DCDC2C: variants seen among roughly 807,000 people sequenced by gnomAD.
DCDC2C encodes doublecortin domain containing 2C, also known as doublecortin domain-containing protein 2C.
DCDC2C carries 44 observed loss-of-function variants against 45.0 expected under a neutral mutation model. The ratio of observed to expected loss-of-function variants is 0.98; its 90% CI spans 0.77 to 1.26. DCDC2C has a LOEUF of 1.26. Among genes scored for constraint, DCDC2C ranks in the 50% most tolerant of loss-of-function variants. The pLI, the probability that DCDC2C is intolerant of heterozygous loss-of-function variation, is 0.00. For missense variants in DCDC2C, 447 were observed against 468.9 expected (o/e 0.95, Z 0.43); for synonymous variants, 187 against 178.8 (o/e 1.05, Z -0.37).
At chr2:3,769,479 G>T in intron 8 of DCDC2C, 68 bp downstream of exon 8, 1 of 1,393,958 alleles carries the variant, frequency 7.2e-7, no homozygotes. Context: ...CCGCCTCAGC[G>T]TCATCCTTCA....
intron 3 of DCDC2C, among the ~76,000 whole-genome samples, chr2:3,735,145 T>C (rs575007756): frequency 1.3e-5 from 2 of 152,322 alleles, no homozygotes; most frequent in East Asian, 3.9e-4. Flanking sequence ...AACTGAACTT[T>C]GTGTCTAGCC....
At chr2:3,814,017 G>T (rs895984458) in intron 10 of DCDC2C, among the ~76,000 whole-genome samples, 3 of 152,164 alleles carry the variant, frequency 2.0e-5, no homozygotes, top group African/African-American at 7.2e-5. Flanking sequence ...CCACTGGTCT[G>T]TGTACTTCTG....
At chr2:3,786,759 G>A (rs1388740206) in intron 10 of DCDC2C, among the ~76,000 whole-genome samples, 1 of 152,274 alleles carries the variant, frequency 6.6e-6, no homozygotes, top group Non-Finnish European at 1.5e-5. Flanking sequence ...TGTGGCTGGA[G>A]GAGCGCTAAA....
chr2:3,745,499 A>G (rs955006803), intron 4 of DCDC2C, among the ~76,000 whole-genome samples: 2 of 152,232 alleles, frequency 1.3e-5, no homozygotes, highest in Non-Finnish European at 2.9e-5. Context: ...AGAAATGCTT[A>G]GAAAGTACAA....
chr2:3,705,533 T>A (rs751712556), intron 1 of DCDC2C, among the ~76,000 whole-genome samples: 16 of 152,242 alleles, frequency 1.1e-4, no homozygotes, highest in Non-Finnish European at 2.4e-4. Context: ...GATACATATA[T>A]AATGAAAAGT....
chr2:3,845,672 AT>A (rs1448825733), intron 10 of DCDC2C, among the ~76,000 whole-genome samples: 5 of 88,390 alleles, frequency 5.7e-5, no homozygotes, highest in Non-Finnish European at 1.4e-4. Context: ...ATCTACTTTG[AT>A]TTGGCTCCAT....
In DCDC2C at chr2:3,767,907, G is replaced by T. The variant is rs1284178627; in HGVS notation, c.853+27G>T. The T allele has an allele frequency of 2.8e-6, 4 of 1,440,580 alleles. No individual in the cohort carries two copies. In the African/African-American group the frequency reaches 5.9e-5, roughly 21 times the overall value. The allele number at this position is 1,440,580 out of a possible 1,614,324, so 89.2% of individuals were successfully genotyped here. A position where few individuals can be genotyped will look rare whatever the true frequency, so the allele number is the denominator to read the frequency against. Reference sequence around the variant, plus strand: ...TGACGTGCAGTTTCATTCTGCTGTAGGCAGTTCGAAACTTTACCAGGCTGA... The same window carrying T: ...TGACGTGCAGTTTCATTCTGCTGTATGCAGTTCGAAACTTTACCAGGCTGA... On this transcript the variant is annotated intron_variant, in intron 7 of 10. Coordinates refer to ENST00000399143, the MANE Select transcript of DCDC2C (RefSeq NM_001287444.2).
chr2:3,813,245 G>A (rs2148215779), intron 10 of DCDC2C, among the ~76,000 whole-genome samples: 1 of 151,334 alleles, frequency 6.6e-6, no homozygotes, highest in Admixed American at 6.6e-5. Flanking sequence ...CTAATTTTTT[G>A]TATTTTAATA....
At chr2:3,839,876 G>A (rs548226961) in intron 10 of DCDC2C, among the ~76,000 whole-genome samples, 3 of 152,170 alleles carry the variant, frequency 2.0e-5, no homozygotes, top group Non-Finnish European at 4.4e-5. Context: ...AGATATCTAT[G>A]TTAATTATGC....
chr2:3,764,585 C>T (rs1669968679), intron 6 of DCDC2C, among the ~76,000 whole-genome samples: 1 of 152,204 alleles, frequency 6.6e-6, no homozygotes, highest in Non-Finnish European at 1.5e-5. Context: ...TGTGAGACTT[C>T]CCCAGCCATG....
chr2:3,753,980 C>G (rs1469424596), intron 5 of DCDC2C, among the ~76,000 whole-genome samples: 1 of 152,178 alleles, frequency 6.6e-6, no homozygotes, highest in African/African-American at 2.4e-5. Flanking sequence ...TGAGGAGGAA[C>G]ACTGTGGGGC....
chr2:3,841,333 A>C (rs897388419), intron 10 of DCDC2C, among the ~76,000 whole-genome samples: 3 of 150,510 alleles, frequency 2.0e-5, no homozygotes, highest in African/African-American at 7.3e-5. Flanking sequence ...TTAAAAGGCA[A>C]GGTGAACGCA....
chr2:3,789,516 C>T (rs1343705174), intron 10 of DCDC2C, among the ~76,000 whole-genome samples: 1 of 152,202 alleles, frequency 6.6e-6, no homozygotes, highest in Non-Finnish European at 1.5e-5. Flanking sequence ...TCTGTTAATG[C>T]TCTCATCCTT....
chr2:3,787,095 A>G (rs1002079129), intron 10 of DCDC2C, among the ~76,000 whole-genome samples: 6 of 152,188 alleles, frequency 3.9e-5, no homozygotes, highest in African/African-American at 1.4e-4. Flanking sequence ...TCTGCAGCCA[A>G]CCTAAGTGCA....
chr2:3,706,880 G>C (rs1668077109), intron 1 of DCDC2C, among the ~76,000 whole-genome samples: 1 of 152,244 alleles, frequency 6.6e-6, no homozygotes, highest in African/African-American at 2.4e-5. Flanking sequence ...TTCAGCAAGT[G>C]AAATAACCTC....
chr2:3,785,088 C>T lies in DCDC2C; in HGVS notation c.1053C>T (p.Asp351=), dbSNP rs774461483. 1.4e-5 allele frequency: 17 copies of T among 1,231,686 alleles called. No homozygotes were observed. Among genetic ancestry groups the T allele is most frequent in the Non-Finnish European group, 1.7e-5 (17 of 987,944 alleles). The allele number at this position is 1,231,686 out of a possible 1,614,324, so 76.3% of individuals were successfully genotyped here. ...KDKEDARLCE[D]VERKMAREWK... ...AAGAAGATGCAAGGCTTTGTGAAGACGTTGAAAGAAAGGTTTGTATCAACA... is the reference window on the plus strand; with the variant it reads ...AAGAAGATGCAAGGCTTTGTGAAGATGTTGAAAGAAAGGTTTGTATCAACA... Residue 351 remains aspartate, a synonymous_variant, in exon 10 of 11, where the codon GAC becomes GAT. Coordinates refer to ENST00000399143, the MANE Select transcript of DCDC2C (RefSeq NM_001287444.2).
At chr2:3,732,285 T>G (rs999971206) in intron 3 of DCDC2C, among the ~76,000 whole-genome samples, 7 of 152,070 alleles carry the variant, frequency 4.6e-5, no homozygotes, top group African/African-American at 1.7e-4. Flanking sequence ...AACTGTGTCA[T>G]GGCATCACCC....
At chr2:3,771,108 C>T (rs376998464) in intron 8 of DCDC2C, among the ~76,000 whole-genome samples, 1 of 152,346 alleles carries the variant, frequency 6.6e-6, no homozygotes. Flanking sequence ...GATAGGAAGA[C>T]CCCCTGAGGG....
chr2:3,769,143 C>T (rs77165837), intron 7 of DCDC2C, 168 bp from the exon 8 acceptor site: 73,911 of 598,150 alleles, frequency 0.12, 5,512 homozygotes, highest in East Asian at 0.29. Context: ...ACAGGAAGGG[C>T]GAGAGGGAAA....
Sources: allele counts gnomAD v4.1 joint callset (sites outside exome capture counted in the v4.1 genomes callset), GRCh38; gene constraint gnomAD v4.1.1; transcripts MANE v1.5; gene names NCBI Gene and HGNC (gene_info 2026-07-23, HGNC 2026-07-21).